The following LPP variants were observed in gnomAD, a reference collection of about 807,000 sequenced individuals.
LPP encodes the protein LIM domain containing preferred translocation partner in lipoma.
In LPP, 38 loss-of-function variants were observed where a neutral mutation model predicts 60.4. The observed-to-expected ratio is 0.63, with a 90% confidence interval of 0.49 to 0.83. The LOEUF (loss-of-function observed/expected upper bound fraction) is 0.83, where lower values mean the gene tolerates loss of function less well. Among genes scored for constraint, LPP ranks in the 40% least tolerant of loss-of-function variants. LPP has a pLI of 0.00. For missense variants in LPP, 902 were observed against 783.6 expected, an observed-to-expected ratio of 1.15 and a Z score of -1.80; for synonymous variants, 328 against 290.8, an observed-to-expected ratio of 1.13 and a Z score of -1.30.
chr3:188,599,539 G>A (rs1448193969), intron 6 of LPP, among the ~76,000 whole-genome samples: 1 of 152,002 alleles, frequency 6.6e-6, no homozygotes, highest in Admixed American at 6.6e-5. Flanking sequence ...AGTGTTGTGA[G>A]GATTAAATGG....
intron 4 of LPP, among the ~76,000 whole-genome samples, chr3:188,482,903 G>A (rs999591185): frequency 1.3e-5 from 2 of 152,128 alleles, no homozygotes; most frequent in Non-Finnish European, 2.9e-5. Flanking sequence ...CGATCACACA[G>A]GGATTTATTA....
At chr3:188,519,729 G>C (rs1428421406) in intron 5 of LPP, among the ~76,000 whole-genome samples, 3 of 152,176 alleles carry the variant, frequency 2.0e-5, no homozygotes, top group Non-Finnish European at 4.4e-5. Context: ...AATTTATGTA[G>C]ACAGAAAGCT....
intron 7 of LPP, among the ~76,000 whole-genome samples, chr3:188,666,192 C>T (rs916294679): frequency 6.6e-6 from 1 of 152,188 alleles, no homozygotes; most frequent in Non-Finnish European, 1.5e-5. Flanking sequence ...ATTTATATTT[C>T]TCTAGTATTT....
intron 2 of LPP, among the ~76,000 whole-genome samples, chr3:188,323,046 G>A (rs4303859): frequency 0.44 from 66,649 of 151,982 alleles, 16,616 homozygotes; most frequent in East Asian, 0.71. Flanking sequence ...GAAAAAGAGC[G>A]GTGAAAATGT....
At chr3:188,353,585 A>G (rs967926628) in intron 3 of LPP, among the ~76,000 whole-genome samples, 2 of 152,192 alleles carry the variant, frequency 1.3e-5, no homozygotes, top group African/African-American at 2.4e-5. Flanking sequence ...AAATATTGTA[A>G]TGTTACTTCT....
chr3:188,665,847 G>T (rs1855680099), intron 7 of LPP, among the ~76,000 whole-genome samples: 1 of 152,108 alleles, frequency 6.6e-6, no homozygotes, highest in African/African-American at 2.4e-5. Context: ...ACATCAGTCA[G>T]TTTTGTTAAC....
At chr3:188,854,493 G>T (rs566684198) in intron 9 of LPP, among the ~76,000 whole-genome samples, 3 of 152,306 alleles carry the variant, frequency 2.0e-5, no homozygotes, top group African/African-American at 7.2e-5. Flanking sequence ...TGTCTTTATG[G>T]CCTTCCTAAG....
intron 7 of LPP, among the ~76,000 whole-genome samples, chr3:188,681,681 G>A (rs115228490): frequency 0.018 from 2,748 of 152,280 alleles, 75 homozygotes; most frequent in African/African-American, 0.063. Flanking sequence ...AAAGGAGGGA[G>A]GAAGGAAATC....
At chr3:188,242,424 A>C (rs952235889) in intron 2 of LPP, among the ~76,000 whole-genome samples, 15 of 151,434 alleles carry the variant, frequency 9.9e-5, no homozygotes, top group African/African-American at 2.7e-4. Flanking sequence ...GGAAAAAAAA[A>C]CCACACACAT....
chr3:188,214,194 G>A (rs777869793), intron 1 of LPP, among the ~76,000 whole-genome samples: 1 of 151,716 alleles, frequency 6.6e-6, no homozygotes, highest in African/African-American at 2.4e-5. Flanking sequence ...GCAATGGCGC[G>A]ATCTCGGCTC....
chr3:188,502,969 G>A (rs1812345079), intron 5 of LPP, among the ~76,000 whole-genome samples: 1 of 151,982 alleles, frequency 6.6e-6, no homozygotes, highest in Non-Finnish European at 1.5e-5. Context: ...TAAAAAAATT[G>A]TAAGTCAAAC....
chr3:188,173,648 G>C (rs917524248), intron 1 of LPP, among the ~76,000 whole-genome samples: 25 of 152,222 alleles, frequency 1.6e-4, no homozygotes, highest in African/African-American at 4.3e-4. Flanking sequence ...GGATGAAGTC[G>C]AGCAGGATGG....
At chr3:188,803,938 A>G (rs997145549) in intron 9 of LPP, among the ~76,000 whole-genome samples, 8 of 152,070 alleles carry the variant, frequency 5.3e-5, no homozygotes, top group Admixed American at 3.9e-4. Flanking sequence ...GTTCATGAAT[A>G]TACATGTCTG....
rs548396520 is a variant in LPP at position 188,611,365 on chromosome 3, C to T, written c.1113+1521C>T. Among the ~76,000 whole-genome samples the T allele has an allele frequency of 3.9e-5, 6 of 152,264 alleles. No individual in the cohort carries two copies. The East Asian group carries it at 7.7e-4, about 20-fold the overall frequency. ...TTTAAAATGAATTTGTCCATAATAGCCAATCTGGACAGCCTTGCTCTTTGT... is the reference window on the plus strand; with the variant it reads ...TTTAAAATGAATTTGTCCATAATAGTCAATCTGGACAGCCTTGCTCTTTGT... On this transcript the variant is annotated intron_variant, in intron 7 of 11. Coordinates refer to ENST00000617246, the MANE Select transcript of LPP (RefSeq NM_001375462.1).
intron 4 of LPP, among the ~76,000 whole-genome samples, chr3:188,409,478 T>C (rs1212252671): frequency 1.3e-5 from 2 of 152,250 alleles, no homozygotes; most frequent in South Asian, 2.1e-4. Context: ...ATGTTATCAG[T>C]GCATTCTGTT....
chr3:188,579,469 C>T (rs530507684), intron 6 of LPP, among the ~76,000 whole-genome samples: 2 of 152,290 alleles, frequency 1.3e-5, no homozygotes, highest in South Asian at 2.1e-4. Context: ...TAAAAACATT[C>T]TGTAATTACT....
chr3:188,336,180 A>T (rs1221675295), intron 2 of LPP, among the ~76,000 whole-genome samples: 2 of 152,058 alleles, frequency 1.3e-5, no homozygotes, highest in African/African-American at 4.8e-5. Context: ...ATATCACATG[A>T]CCTACAAGCA....
At chr3:188,577,521 C>G (rs1313991587) in intron 6 of LPP, among the ~76,000 whole-genome samples, 2 of 151,272 alleles carry the variant, frequency 1.3e-5, no homozygotes, top group Non-Finnish European at 2.9e-5. Context: ...GCCTACTTTG[C>G]TTTTGTTTTA....
intron 7 of LPP, among the ~76,000 whole-genome samples, chr3:188,649,729 G>C (rs929080498): frequency 6.6e-6 from 1 of 152,184 alleles, no homozygotes; most frequent in Non-Finnish European, 1.5e-5. Context: ...CAGAGAGAGA[G>C]AGATGAAACA....
Sources: allele counts gnomAD v4.1 joint callset (sites outside exome capture counted in the v4.1 genomes callset), GRCh38; gene constraint gnomAD v4.1.1; transcripts MANE v1.5; gene names NCBI Gene and HGNC (gene_info 2026-07-23, HGNC 2026-07-21).